CCNY: variants seen among roughly 807,000 people sequenced by gnomAD.
CCNY encodes cyclin Y.
Under a neutral mutation model 42.8 loss-of-function variants are expected in CCNY, and 19 were observed. The ratio of observed to expected loss-of-function variants is 0.44; its 90% CI spans 0.31 to 0.65. CCNY has a LOEUF of 0.65. Ranked by LOEUF, CCNY falls within the 30% of genes least tolerant of loss-of-function variation. The probability of loss-of-function intolerance (pLI) is 0.07; values close to 1 mark genes in which losing one functional copy is unlikely to be tolerated. For missense variants in CCNY, 370 were observed against 437.3 expected (o/e 0.85, Z 1.37); for synonymous variants, 165 against 162.7 (o/e 1.01, Z -0.11).
chr10:35,336,643 G>A lies in CCNY; in HGVS notation c.-411G>A, dbSNP rs1438450127. On this transcript the variant is annotated 5_prime_UTR_variant, in exon 1 of 10. Coordinates refer to ENST00000374704, the MANE Select transcript of CCNY (RefSeq NM_145012.6). ...CCCCCGGCTTGAACCGGAACCTCTT[G>A]CCGAGGCGGCCGCCGTCGCCGCAGC... Among the ~76,000 whole-genome samples, 2 of 147,820 alleles carry A rather than the reference G, an allele frequency of 1.4e-5. No individual in the cohort carries two copies. The highest frequency in any genetic ancestry group is 3.0e-5 in the Non-Finnish European group (2 of 66,268).
At chr10:35,369,409 T>A (rs1836880783) in intron 1 of CCNY, among the ~76,000 whole-genome samples, 1 of 152,242 alleles carries the variant, frequency 6.6e-6, no homozygotes, top group South Asian at 2.1e-4. Context: ...AGGGAAGTTG[T>A]GGCCTTAGGA....
chr10:35,503,097 C>G (rs961250535), intron 3 of CCNY, among the ~76,000 whole-genome samples: 2 of 152,134 alleles, frequency 1.3e-5, no homozygotes, highest in African/African-American at 2.4e-5. Context: ...GCCCCACCCC[C>G]CCAACAGGCA....
chr10:35,458,097 A>G (rs2135324501), intron 1 of CCNY, among the ~76,000 whole-genome samples: 1 of 152,296 alleles, frequency 6.6e-6, no homozygotes, highest in East Asian at 1.9e-4. Flanking sequence ...CCTCCCTGAA[A>G]GGGGGAAAAA....
intron 1 of CCNY, among the ~76,000 whole-genome samples, chr10:35,346,141 G>A (rs1836297335): frequency 6.6e-6 from 1 of 152,210 alleles, no homozygotes; most frequent in Non-Finnish European, 1.5e-5. Flanking sequence ...ATAAAGGGTA[G>A]TTGGTTACCT....
intron 5 of CCNY, among the ~76,000 whole-genome samples, chr10:35,526,870 T>C (rs1481647667): frequency 6.6e-6 from 1 of 152,212 alleles, no homozygotes; most frequent in Non-Finnish European, 1.5e-5. Context: ...ATTTCATGCA[T>C]AATGTGACAT....
chr10:35,568,055 G>T (rs1246846551), intron 9 of CCNY, among the ~76,000 whole-genome samples: 1 of 152,182 alleles, frequency 6.6e-6, no homozygotes, highest in Non-Finnish European at 1.5e-5. Flanking sequence ...TATGGCTCTA[G>T]TGGCTGCTTC....
At chr10:35,404,110 T>G (rs1837704756) in intron 1 of CCNY, among the ~76,000 whole-genome samples, 1 of 152,166 alleles carries the variant, frequency 6.6e-6, no homozygotes, top group East Asian at 1.9e-4. Flanking sequence ...GTGTGTCAGA[T>G]GTGAGGAAGA....
chr10:35,278,924 T>G (rs1033302360), intron 3 of CCNY, among the ~76,000 whole-genome samples: 1 of 152,136 alleles, frequency 6.6e-6, no homozygotes, highest in African/African-American at 2.4e-5. Flanking sequence ...TTTCATTAGT[T>G]CTTCTCTATT....
intron 1 of CCNY, among the ~76,000 whole-genome samples, chr10:35,472,161 G>C (rs760543045): frequency 1.3e-5 from 2 of 152,136 alleles, no homozygotes; most frequent in Non-Finnish European, 2.9e-5. Flanking sequence ...TGCCCATTGC[G>C]CTAGTACCTG....
At chr10:35,379,358 C>G (rs1035772100) in intron 1 of CCNY, among the ~76,000 whole-genome samples, 13 of 152,146 alleles carry the variant, frequency 8.5e-5, no homozygotes, top group Non-Finnish European at 1.6e-4. Flanking sequence ...GCTTTCTTAT[C>G]AGCTTGCCCA....
intron 7 of CCNY, among the ~76,000 whole-genome samples, chr10:35,539,339 T>C (rs1028948398): frequency 1.3e-5 from 2 of 152,244 alleles, no homozygotes; most frequent in African/African-American, 4.8e-5. Context: ...GCATTGACTA[T>C]GTAGATCAGT....
In CCNY at chr10:35,337,183, A is replaced by G; in HGVS notation, c.130A>G (p.Ile44Val). Reference sequence around the variant, plus strand: ...GGACACGGGCTGCAACCTGCAGCACATCAGCGACCGGGAGAACATAGACGG... The same window carrying G: ...GGACACGGGCTGCAACCTGCAGCACGTCAGCGACCGGGAGAACATAGACGG... The part of the protein sequence containing the change: ...REDTGCNLQH[I>V]SDRENIDDLN... The change falls in exon 1 of 10, where the codon ATC becomes GTC. Residue 44 changes from isoleucine to valine, a missense_variant. By Grantham distance (29) the Ile-to-Val change is conservative. This residue lies in a region of CCNY where 136 missense variants were observed against 124.2 expected (regional missense o/e 1.09). Transcript: ENST00000374704. The G allele has an allele frequency of 6.4e-7, 1 of 1,566,350 alleles. No homozygotes were observed.
chr10:35,307,666 G>GTATA (rs199519538), intron 3 of CCNY, among the ~76,000 whole-genome samples: 3 of 141,086 alleles, frequency 2.1e-5, no homozygotes, highest in African/African-American at 7.9e-5. Flanking sequence ...AAGGTTATAT[G>GTATA]TATATATATA....
intron 1 of CCNY, among the ~76,000 whole-genome samples, chr10:35,398,766 C>T (rs1837580171): frequency 6.6e-6 from 1 of 152,090 alleles, no homozygotes; most frequent in Admixed American, 6.5e-5. Context: ...GATAAAATAC[C>T]CTTACAAGTT....
At chr10:35,477,458 C>G (rs1839541933) in intron 1 of CCNY, among the ~76,000 whole-genome samples, 1 of 150,836 alleles carries the variant, frequency 6.6e-6, no homozygotes, top group Non-Finnish European at 1.5e-5. Context: ...TGGGCTTCAT[C>G]CCTGGGATGC....
intron 1 of CCNY, among the ~76,000 whole-genome samples, chr10:35,477,032 T>G (rs1179422319): frequency 6.6e-6 from 1 of 152,080 alleles, no homozygotes; most frequent in South Asian, 2.1e-4. Flanking sequence ...AACTAGAAAA[T>G]CTAGAAGAAA....
At chr10:35,249,130 G>A (rs2095710150) in intron 2 of CCNY, among the ~76,000 whole-genome samples, 1 of 152,112 alleles carries the variant, frequency 6.6e-6, no homozygotes, top group East Asian at 1.9e-4. Flanking sequence ...GATGAGGGAG[G>A]CAGGTATTAA....
intron 2 of CCNY, among the ~76,000 whole-genome samples, chr10:35,484,169 G>A (rs1287207797): frequency 6.6e-6 from 1 of 152,150 alleles, no homozygotes; most frequent in Non-Finnish European, 1.5e-5. Flanking sequence ...GGAGAAACTC[G>A]TTAAATGATG....
In CCNY at chr10:35,337,226, GC is replaced by G; in HGVS notation, c.154+24del. On this transcript the variant is annotated intron_variant, in intron 1 of 9. Transcript: ENST00000374704. ...ATAGACGGTGAGTGCGGCCCGCCGAGCCCCCTACCCGCCCCCGCGGCAACAG... is the reference window on the plus strand; with the variant it reads ...ATAGACGGTGAGTGCGGCCCGCCGAGCCCCTACCCGCCCCCGCGGCAACAG... 2.0e-6 allele frequency: 3 copies of G among 1,501,554 alleles called. No individual in the cohort carries two copies. Among genetic ancestry groups the G allele is most frequent in the African/African-American group, 1.4e-5 (1 of 69,842 alleles). The allele number at this position is 1,501,554 out of a possible 1,614,324, so 93.0% of individuals were successfully genotyped here.
Sources: gnomAD v4.1 joint callset for allele counts (sites outside exome capture counted in the v4.1 genomes callset) on GRCh38, gnomAD v4.1.1 for gene constraint, gnomAD v4.1.1 regional missense constraint, MANE v1.5 for transcripts, NCBI Gene and HGNC (gene_info 2026-07-23, HGNC 2026-07-21) for gene names.